Variants in SLC13A1 observed in about 807,000 individuals in gnomAD.
SLC13A1 encodes Na(+)/sulfate cotransporter.
SLC13A1 carries 65 observed loss-of-function variants against 70.0 expected under a neutral mutation model. That is an observed-to-expected ratio of 0.93 (90% CI 0.76 to 1.14). The LOEUF (loss-of-function observed/expected upper bound fraction) is 1.14, where lower values mean the gene tolerates loss of function less well. SLC13A1 is among the 50% of genes most tolerant of loss of function. SLC13A1 has a pLI of 0.00. For missense variants in SLC13A1, 726 were observed against 717.8 expected, an observed-to-expected ratio of 1.01 and a Z score of -0.13; for synonymous variants, 275 against 250.5, an observed-to-expected ratio of 1.10 and a Z score of -0.92.
chr7:123,137,217 G>T (rs1228100996), intron 7 of SLC13A1, among the ~76,000 whole-genome samples: 1 of 152,144 alleles, frequency 6.6e-6, no homozygotes, highest in Non-Finnish European at 1.5e-5. Context: ...TCAGGATGTG[G>T]TAGACAGAGT....
rs2116218031 is a variant in SLC13A1 at position 123,113,894 on chromosome 7, G to C, written c.*1624C>G. 1 of 151,978 alleles carries C rather than the reference G, an allele frequency of 6.6e-6. No homozygotes were observed. Among genetic ancestry groups the C allele is most frequent in the East Asian group, 1.9e-4 (1 of 5,180 alleles). 9.4% of individuals were successfully genotyped at this position (151,978 alleles called of 1,614,324 possible). On this transcript the variant is annotated 3_prime_UTR_variant, in exon 15 of 15. Transcript: ENST00000194130. ...TTACTATATTTAGTTTCAAGAATAA[G>C]TTTGTAAATAATCTTATTTGAATAA...
chr7:123,141,120 T>C (rs1196419707), intron 7 of SLC13A1, among the ~76,000 whole-genome samples: 1 of 152,128 alleles, frequency 6.6e-6, no homozygotes, highest in East Asian at 1.9e-4. Context: ...TCCATTAACA[T>C]CTGTTTCAAA....
chr7:123,149,329 T>G (rs914261676), intron 6 of SLC13A1: 9 of 365,204 alleles, frequency 2.5e-5, no homozygotes, highest in South Asian at 1.9e-4. Context: ...CAGCCACGAG[T>G]TTTTACTTTA....
intron 7 of SLC13A1, among the ~76,000 whole-genome samples, chr7:123,145,685 A>G (rs549934087): frequency 2.6e-5 from 4 of 151,664 alleles, no homozygotes; most frequent in African/African-American, 9.8e-5. Flanking sequence ...AACCTTTTAA[A>G]GTTTTCTAAG....
intron 6 of SLC13A1, among the ~76,000 whole-genome samples, chr7:123,155,920 C>CCAGAACTGCCCAGCT (rs1794696210): frequency 6.6e-6 from 1 of 151,996 alleles, no homozygotes; most frequent in Non-Finnish European, 1.5e-5. Flanking sequence ...CTCCCCCAGC[C>CCAGAACTGCCCAGCT]CAGAACTGGA....
intron 1 of SLC13A1, among the ~76,000 whole-genome samples, chr7:123,185,124 A>T (rs576665976): frequency 3.9e-5 from 6 of 151,960 alleles, no homozygotes; most frequent in Non-Finnish European, 7.4e-5. Context: ...TTATTTTTCA[A>T]TTGGGTTATT....
At chr7:123,196,158 TA>T (rs1334426152) in intron 1 of SLC13A1, among the ~76,000 whole-genome samples, 1 of 152,076 alleles carries the variant, frequency 6.6e-6, no homozygotes, top group Non-Finnish European at 1.5e-5. Flanking sequence ...TGGAAATATT[TA>T]AAGAAATTTC....
At chr7:123,174,967 A>C (rs1484184344) in intron 2 of SLC13A1, among the ~76,000 whole-genome samples, 2 of 152,050 alleles carry the variant, frequency 1.3e-5, no homozygotes, top group Admixed American at 6.6e-5. Context: ...AAACTGGATT[A>C]GATAATATCT....
intron 6 of SLC13A1, among the ~76,000 whole-genome samples, chr7:123,162,508 T>C (rs1308826172): frequency 1.3e-5 from 2 of 152,074 alleles, no homozygotes; most frequent in African/African-American, 4.8e-5. Flanking sequence ...AAGGAAACCC[T>C]AGGTTGAGTC....
At position 123,128,847 on chromosome 7, in the gene SLC13A1, T is replaced by C; in HGVS notation, c.1131A>G (p.Ser377=). The C allele has an allele frequency of 1.2e-6, 2 of 1,608,828 alleles. No homozygotes were observed. Residue 377 remains serine, a splice_region_variant and synonymous_variant, in exon 10 of 15, where the codon TCA becomes TCG. Transcript: ENST00000194130. ...GFVPGWSALF[S]EYPGFATDST... ...CAAACATAACGTGCAAAGCTTACTC[T>C]GAAAAAAGTGCAGACCAACCAGGAA...
At chr7:123,185,281 T>C (rs768759596) in intron 1 of SLC13A1, among the ~76,000 whole-genome samples, 2 of 152,254 alleles carry the variant, frequency 1.3e-5, no homozygotes, top group South Asian at 2.1e-4. Context: ...GTTTTATTAG[T>C]ATAATGTAAT....
At chr7:123,191,373 G>A (rs900305080) in intron 1 of SLC13A1, among the ~76,000 whole-genome samples, 1 of 152,158 alleles carries the variant, frequency 6.6e-6, no homozygotes, top group Non-Finnish European at 1.5e-5. Context: ...CATTTAACCT[G>A]ACTCTGGTCC....
At chr7:123,125,709 G>A (rs371910107) in intron 10 of SLC13A1, 34 bp from the exon 11 acceptor site, 176 of 1,496,768 alleles carry the variant, frequency 1.2e-4, no homozygotes, top group Middle Eastern at 1.7e-4. Flanking sequence ...ATTAAAAATA[G>A]CATCAAGAAC....
intron 1 of SLC13A1, among the ~76,000 whole-genome samples, chr7:123,190,138 A>G (rs951442219): frequency 6.6e-6 from 1 of 152,178 alleles, no homozygotes; most frequent in Non-Finnish European, 1.5e-5. Context: ...ATATATCTTC[A>G]AGGATACTCA....
intron 2 of SLC13A1, among the ~76,000 whole-genome samples, chr7:123,178,901 T>C (rs2116604164): frequency 6.6e-6 from 1 of 152,310 alleles, no homozygotes; most frequent in South Asian, 2.1e-4. Flanking sequence ...TCTAGAATGA[T>C]CTATTCACTT....
At chr7:123,198,454 G>A (rs548479375) in intron 1 of SLC13A1, among the ~76,000 whole-genome samples, 2 of 152,126 alleles carry the variant, frequency 1.3e-5, no homozygotes, top group East Asian at 3.9e-4. Context: ...ACCAAAAGGG[G>A]TGGGGAGTTT....
intron 12 of SLC13A1, among the ~76,000 whole-genome samples, chr7:123,121,259 T>G (rs1793372146): frequency 6.6e-6 from 1 of 152,076 alleles, no homozygotes; most frequent in Non-Finnish European, 1.5e-5. Flanking sequence ...TAAACCATCC[T>G]CCATATTCAG....
intron 12 of SLC13A1, among the ~76,000 whole-genome samples, chr7:123,122,870 A>G (rs1793429774): frequency 6.6e-6 from 1 of 152,138 alleles, no homozygotes; most frequent in Non-Finnish European, 1.5e-5. Context: ...CATGAATTAA[A>G]CATTTTAATC....
At chr7:123,187,904 A>G (rs1046462809) in intron 1 of SLC13A1, among the ~76,000 whole-genome samples, 2 of 152,154 alleles carry the variant, frequency 1.3e-5, no homozygotes, top group Non-Finnish European at 2.9e-5. Context: ...CTCCACATGC[A>G]TGTCTATGGA....
Sources: gnomAD v4.1 joint callset for allele counts (sites outside exome capture counted in the v4.1 genomes callset) on GRCh38, gnomAD v4.1.1 for gene constraint, MANE v1.5 for transcripts, NCBI Gene and HGNC (gene_info 2026-07-23, HGNC 2026-07-21) for gene names.